IL1RAPL2: variants seen among roughly 807,000 people sequenced by gnomAD.
IL1RAPL2 encodes the protein interleukin 1 receptor accessory protein like 2, also known as X-linked interleukin-1 receptor accessory protein-like 2.
In IL1RAPL2, 3 loss-of-function variants were observed where a neutral mutation model predicts 44.1. The observed-to-expected ratio is 0.07, with a 90% CI of 0.03 to 0.18. The LOEUF (loss-of-function observed/expected upper bound fraction) is 0.18. Among genes scored for constraint, IL1RAPL2 ranks in the 10% least tolerant of loss-of-function variants. IL1RAPL2 has a pLI of 1.00. For synonymous variants in IL1RAPL2, 181 were observed against 178.8 expected (o/e 1.01, Z -0.10); for missense variants, 391 against 496.4 (o/e 0.79, Z 2.02).
intron 6 of IL1RAPL2, among the ~76,000 whole-genome samples, chrX:105,580,509 C>T (rs1436006664): frequency 9.1e-6 from 1 of 110,475 alleles, no homozygotes; most frequent in East Asian, 2.8e-4. Context: ...CTTATCAACC[C>T]TAGGGACAGC....
intron 2 of IL1RAPL2, among the ~76,000 whole-genome samples, chrX:104,899,189 C>T (rs1923743140): frequency 9.0e-6 from 1 of 111,616 alleles, no homozygotes; most frequent in Non-Finnish European, 1.9e-5. Flanking sequence ...AGATGTTTTC[C>T]TTGAAGTATG....
At chrX:105,119,529 T>G (rs1425692077) in intron 2 of IL1RAPL2, among the ~76,000 whole-genome samples, 1 of 111,936 alleles carries the variant, frequency 8.9e-6, no homozygotes, top group Non-Finnish European at 1.9e-5. Flanking sequence ...CCAGCTCAGC[T>G]GTAGCTTTAG....
chrX:104,648,353 T>G (rs1930086639), intron 1 of IL1RAPL2, among the ~76,000 whole-genome samples: 1 of 112,405 alleles, frequency 8.9e-6, no homozygotes, highest in African/African-American at 3.2e-5. Flanking sequence ...TGCATATATT[T>G]TTATGCATAA....
chrX:105,323,566 C>T (rs1221664419), intron 5 of IL1RAPL2, among the ~76,000 whole-genome samples: 1 of 111,372 alleles, frequency 9.0e-6, no homozygotes, highest in African/African-American at 3.3e-5. Flanking sequence ...TTCTATATAG[C>T]ACTATATTGG....
chrX:104,731,412 T>C (rs1365788585), intron 2 of IL1RAPL2, among the ~76,000 whole-genome samples: 1 of 110,279 alleles, frequency 9.1e-6, no homozygotes, highest in Non-Finnish European at 1.9e-5. Context: ...GTAACAGACT[T>C]TTTTTTTGGG....
At chrX:105,511,083 C>T (rs1602444371) in intron 6 of IL1RAPL2, among the ~76,000 whole-genome samples, 1 of 111,840 alleles carries the variant, frequency 8.9e-6, no homozygotes, top group East Asian at 2.9e-4. Context: ...CTGAGATACA[C>T]TAGTGAAGTT....
At chrX:105,142,381 T>A (rs2033132809) in intron 2 of IL1RAPL2, among the ~76,000 whole-genome samples, 1 of 111,497 alleles carries the variant, frequency 9.0e-6, no homozygotes, top group Non-Finnish European at 1.9e-5. Context: ...TAATGTTTTG[T>A]GCTGTTCATT....
intron 2 of IL1RAPL2, among the ~76,000 whole-genome samples, chrX:104,836,555 CAAAAATT>C (rs1410542539): frequency 9.2e-6 from 1 of 109,266 alleles, no homozygotes; most frequent in Admixed American, 9.9e-5. Flanking sequence ...TATGTACCCA[CAAAAATT>C]AAAAATTAAA....
chrX:104,873,729 G>A (rs1467615630), intron 2 of IL1RAPL2, among the ~76,000 whole-genome samples: 2 of 111,440 alleles, frequency 1.8e-5, no homozygotes, highest in Middle Eastern at 4.7e-3. Context: ...ATGAAAAAGA[G>A]GTAGAAGTAT....
chrX:105,126,631 C>T (rs1348042431), intron 2 of IL1RAPL2, among the ~76,000 whole-genome samples: 13 of 110,983 alleles, frequency 1.2e-4, no homozygotes, highest in Non-Finnish European at 5.7e-5. Context: ...CAGCTATTTG[C>T]TAAGGAGGTG....
intron 2 of IL1RAPL2, among the ~76,000 whole-genome samples, chrX:105,129,331 T>C (rs2033005523): frequency 9.0e-6 from 1 of 110,559 alleles, no homozygotes; most frequent in African/African-American, 3.3e-5. Flanking sequence ...TCAAATACTT[T>C]TATAAGGGCA....
intron 1 of IL1RAPL2, among the ~76,000 whole-genome samples, chrX:104,591,759 T>A (rs757453230): frequency 3.7e-4 from 41 of 110,411 alleles, no homozygotes; most frequent in Non-Finnish European, 6.6e-4. Flanking sequence ...TGCATGAAGG[T>A]CAGATAACAC....
intron 1 of IL1RAPL2, among the ~76,000 whole-genome samples, chrX:104,609,259 A>T (rs1929090991): frequency 9.0e-6 from 1 of 111,466 alleles, no homozygotes; most frequent in African/African-American, 3.3e-5. Context: ...GGGTAACTCG[A>T]CCTTTCTCTC....
At chrX:104,885,003 C>T (rs905312294) in intron 2 of IL1RAPL2, among the ~76,000 whole-genome samples, 2 of 111,744 alleles carry the variant, frequency 1.8e-5, no homozygotes, top group Admixed American at 9.5e-5. Flanking sequence ...CCTTCTCCCT[C>T]TCTGATTTAA....
chrX:105,413,579 A>C (rs765173894), intron 5 of IL1RAPL2, among the ~76,000 whole-genome samples: 4 of 112,127 alleles, frequency 3.6e-5, no homozygotes, highest in Non-Finnish European at 7.5e-5. Flanking sequence ...AAGGAATGCA[A>C]CCTTACTTAC....
intron 6 of IL1RAPL2, among the ~76,000 whole-genome samples, chrX:105,514,340 A>G (rs904877023): frequency 8.9e-6 from 1 of 111,761 alleles, no homozygotes; most frequent in African/African-American, 3.3e-5. Context: ...TGGGTGGGGC[A>G]TCAAGAAACT....
intron 5 of IL1RAPL2, among the ~76,000 whole-genome samples, chrX:105,303,176 A>C (rs997041891): frequency 1.8e-5 from 2 of 111,952 alleles, no homozygotes; most frequent in African/African-American, 6.5e-5. Flanking sequence ...TTCCCTTAAT[A>C]TGATCTTAAA....
intron 5 of IL1RAPL2, among the ~76,000 whole-genome samples, chrX:105,390,097 T>G (rs1392698607): frequency 1.8e-5 from 2 of 111,914 alleles, no homozygotes; most frequent in Non-Finnish European, 3.8e-5. Flanking sequence ...TCATTATGTT[T>G]CCATGTCTCC....
intron 5 of IL1RAPL2, among the ~76,000 whole-genome samples, chrX:105,450,834 C>T (rs977603423): frequency 2.7e-5 from 3 of 110,201 alleles, no homozygotes; most frequent in African/African-American, 9.9e-5. Context: ...TTCTATTTTC[C>T]AAATGAAGAA....
Sources: allele counts gnomAD v4.1 joint callset (sites outside exome capture counted in the v4.1 genomes callset), GRCh38; gene constraint gnomAD v4.1.1; transcripts MANE v1.5; gene names NCBI Gene and HGNC (gene_info 2026-07-23, HGNC 2026-07-21).